Variants in ZZZ3 observed in about 807,000 individuals in gnomAD.
The protein encoded by ZZZ3 is ZZ-type zinc finger-containing protein 3.
Under a neutral mutation model 95.2 loss-of-function variants are expected in ZZZ3, and 22 were observed. That is an observed-to-expected ratio of 0.23 (90% confidence interval 0.17 to 0.33). The LOEUF is 0.33. Ranked by LOEUF, ZZZ3 falls within the 10% of genes least tolerant of loss-of-function variation. The pLI is 1.00. For synonymous variants in ZZZ3, 335 were observed against 358.9 expected, an observed-to-expected ratio of 0.93 and a Z score of 0.75; for missense variants, 885 against 1,066.5, an observed-to-expected ratio of 0.83 and a Z score of 2.37.
intron 5 of ZZZ3, among the ~76,000 whole-genome samples, chr1:77,603,918 C>T (rs1452210327): frequency 2.6e-5 from 4 of 152,086 alleles, no homozygotes; most frequent in Admixed American, 6.5e-5. Flanking sequence ...AATCCAAGCA[C>T]TTTGGGAGGC....
chr1:77,595,414 G>C (rs1664126171), intron 5 of ZZZ3, among the ~76,000 whole-genome samples: 1 of 151,992 alleles, frequency 6.6e-6, no homozygotes. Context: ...CTGAAAAATA[G>C]ATGGGATTTC....
intron 11 of ZZZ3, among the ~76,000 whole-genome samples, chr1:77,578,522 T>C (rs1218552363): frequency 6.6e-6 from 1 of 152,232 alleles, no homozygotes; most frequent in Non-Finnish European, 1.5e-5. Context: ...CTTTCTAACA[T>C]ATTTTGAATC....
At chr1:77,648,606 G>A in intron 1 of ZZZ3, among the ~76,000 whole-genome samples, 1 of 152,014 alleles carries the variant, frequency 6.6e-6, no homozygotes, top group Non-Finnish European at 1.5e-5. Flanking sequence ...AATATGCTGG[G>A]ATTAGACACT....
chr1:77,676,031 A>G (rs1252644612), intron 1 of ZZZ3, among the ~76,000 whole-genome samples: 1 of 152,266 alleles, frequency 6.6e-6, no homozygotes, highest in Admixed American at 6.5e-5. Context: ...TCTTAGAGGT[A>G]TATGATATCA....
chr1:77,649,295 C>T (rs1212441369), intron 1 of ZZZ3, among the ~76,000 whole-genome samples: 1 of 151,796 alleles, frequency 6.6e-6, no homozygotes, highest in Non-Finnish European at 1.5e-5. Flanking sequence ...ATAAGAATGA[C>T]AGCTGACTTC....
intron 8 of ZZZ3, 129 bp downstream of exon 8, chr1:77,581,647 T>C: frequency 5.6e-6 from 4 of 711,778 alleles, no homozygotes; most frequent in Non-Finnish European, 6.7e-6. Context: ...TTCTCTTAAT[T>C]TCAAAGTTCT....
Position 77,566,061 on chromosome 1 carries a change from A to G in ZZZ3, c.2567+20T>C, listed in dbSNP as rs555321010. 12 of 1,576,718 alleles carry G rather than the reference A, an allele frequency of 7.6e-6. No individual in the cohort carries two copies. Among genetic ancestry groups the G allele is most frequent in the Non-Finnish European group, 7.8e-6 (9 of 1,151,854 alleles). ...CTTTTCTTGTCTAAGTTGAAGACTG[A>G]CAATGAAGAAAACACTTACCAGTCT... On this transcript the variant is annotated intron_variant, in intron 14 of 14. Transcript: ENST00000370801.
At chr1:77,644,940 G>A (rs554288020) in intron 1 of ZZZ3, among the ~76,000 whole-genome samples, 3 of 152,222 alleles carry the variant, frequency 2.0e-5, no homozygotes, top group Admixed American at 6.5e-5. Context: ...TTTAGTGTTC[G>A]GGCTGGGCAC....
intron 11 of ZZZ3, among the ~76,000 whole-genome samples, chr1:77,577,257 C>A (rs571721767): frequency 3.0e-4 from 46 of 152,242 alleles, no homozygotes; most frequent in African/African-American, 1.0e-3. Context: ...GGGAAAAAAA[C>A]ACATGTACGT....
chr1:77,644,293 G>C (rs1247204561), intron 1 of ZZZ3, among the ~76,000 whole-genome samples: 1 of 152,152 alleles, frequency 6.6e-6, no homozygotes, highest in South Asian at 2.1e-4. Context: ...CTCAAATCCT[G>C]ACCTCAGGTG....
chr1:77,610,294 T>C (rs569072303), intron 5 of ZZZ3, among the ~76,000 whole-genome samples: 3 of 151,970 alleles, frequency 2.0e-5, no homozygotes, highest in African/African-American at 7.2e-5. Context: ...AACAGACCAA[T>C]AACAAGTAAC....
At chr1:77,659,316 C>T (rs761249082) in intron 1 of ZZZ3, among the ~76,000 whole-genome samples, 2 of 151,912 alleles carry the variant, frequency 1.3e-5, no homozygotes, top group South Asian at 4.2e-4. Flanking sequence ...TAGTTTAATT[C>T]GATTTATTAT....
intron 1 of ZZZ3, 91 bp from the exon 2 acceptor site, chr1:77,641,746 T>C (rs995786062): frequency 5.1e-6 from 2 of 391,948 alleles, no homozygotes; most frequent in Admixed American, 8.9e-5. Context: ...AACACTTATA[T>C]AGCACACTTC....
chr1:77,610,847 C>T (rs1000550428), intron 5 of ZZZ3, among the ~76,000 whole-genome samples: 3 of 151,322 alleles, frequency 2.0e-5, no homozygotes, highest in African/African-American at 7.3e-5. Flanking sequence ...CCATATACAA[C>T]AAGCCCACAG....
chr1:77,680,520 T>A (rs1672655670), intron 1 of ZZZ3, among the ~76,000 whole-genome samples: 1 of 152,166 alleles, frequency 6.6e-6, no homozygotes. Flanking sequence ...AAAAACCACA[T>A]TGCCCAAAGA....
At chr1:77,587,258 C>CTTTTTT (rs34952237) in intron 5 of ZZZ3, among the ~76,000 whole-genome samples, 2 of 85,260 alleles carry the variant, frequency 2.3e-5, no homozygotes, top group African/African-American at 4.1e-5. Flanking sequence ...AACTTTGACC[C>CTTTTTT]TTTTTTTTTT....
At chr1:77,675,665 C>A (rs1672195177) in intron 1 of ZZZ3, among the ~76,000 whole-genome samples, 4 of 151,722 alleles carry the variant, frequency 2.6e-5, no homozygotes, top group Admixed American at 2.6e-4. Context: ...GCTTTTCTTA[C>A]TAGCATTATT....
intron 1 of ZZZ3, among the ~76,000 whole-genome samples, chr1:77,651,565 G>A (rs551506834): frequency 1.3e-5 from 2 of 152,272 alleles, no homozygotes; most frequent in African/African-American, 4.8e-5. Flanking sequence ...CAGAATGGTG[G>A]TTGCCAGGGA....
chr1:77,647,826 G>A (rs949624432), intron 1 of ZZZ3, among the ~76,000 whole-genome samples: 11 of 152,120 alleles, frequency 7.2e-5, no homozygotes, highest in Admixed American at 7.2e-4. Context: ...CTCATAATTT[G>A]TGGGACATGA....
Sources: allele counts gnomAD v4.1 joint callset (sites outside exome capture counted in the v4.1 genomes callset), GRCh38; gene constraint gnomAD v4.1.1; transcripts MANE v1.5; gene names NCBI Gene and HGNC (gene_info 2026-07-23, HGNC 2026-07-21).